The following BICC1 variants were observed in gnomAD, a reference collection of about 807,000 sequenced individuals.
The protein encoded by BICC1 is protein bicaudal C homolog 1.
In BICC1, 43 loss-of-function variants were observed where a neutral mutation model predicts 111.0. The ratio of observed to expected loss-of-function variants is 0.39; its 90% CI spans 0.30 to 0.50. The LOEUF (loss-of-function observed/expected upper bound fraction) is 0.50. BICC1 is among the 20% of genes least tolerant of loss of function. The pLI is 0.88. For missense variants in BICC1, 1,091 were observed against 1,203.2 expected, an observed-to-expected ratio of 0.91 and a Z score of 1.38; for synonymous variants, 467 against 434.4, an observed-to-expected ratio of 1.07 and a Z score of -0.93.
intron 11 of BICC1, 113 bp downstream of exon 11, chr10:58,798,673 T>G (rs1843437789): frequency 1.0e-6 from 1 of 969,028 alleles, no homozygotes; most frequent in South Asian, 2.4e-5. Context: ...GTTCAAAGCA[T>G]ACTCCATTGA....
intron 8 of BICC1, 52 bp from the exon 9 acceptor site, chr10:58,793,432 T>A: frequency 6.6e-7 from 1 of 1,522,450 alleles, no homozygotes; most frequent in Non-Finnish European, 9.0e-7. Flanking sequence ...TTATCAGGTG[T>A]TTAAATGATT....
chr10:58,634,059 A>G (rs111296469), intron 2 of BICC1, among the ~76,000 whole-genome samples: 2,315 of 142,290 alleles, frequency 0.016, 72 homozygotes, highest in African/African-American at 0.058. Context: ...CAATGGCGCA[A>G]TGTCAGCTCA....
At chr10:58,828,664 C>A in intron 20 of BICC1, 97 bp from the exon 21 acceptor site, 1 of 1,340,356 alleles carries the variant, frequency 7.5e-7, no homozygotes, top group Non-Finnish European at 1.0e-6. Context: ...CCTCAAAAAA[C>A]CTACCACGTC....
At chr10:58,787,407 A>G (rs1370911955) in intron 5 of BICC1, among the ~76,000 whole-genome samples, 2 of 152,200 alleles carry the variant, frequency 1.3e-5, no homozygotes, top group Non-Finnish European at 2.9e-5. Flanking sequence ...CCAGGAACCT[A>G]TCCATTGCCT....
chr10:58,778,145 G>A (rs938362641), intron 3 of BICC1, among the ~76,000 whole-genome samples: 1 of 151,020 alleles, frequency 6.6e-6, no homozygotes, highest in African/African-American at 2.4e-5. Context: ...TCTGGGAGGC[G>A]GCAGTTGCAG....
At chr10:58,763,255 T>A (rs1842367867) in intron 3 of BICC1, among the ~76,000 whole-genome samples, 1 of 151,984 alleles carries the variant, frequency 6.6e-6, no homozygotes, top group East Asian at 1.9e-4. Flanking sequence ...TTGGGAAAAA[T>A]TATTAATATA....
At chr10:58,693,309 C>T (rs866959017) in intron 2 of BICC1, among the ~76,000 whole-genome samples, 18 of 152,150 alleles carry the variant, frequency 1.2e-4, no homozygotes, top group African/African-American at 2.9e-4. Flanking sequence ...TGAATAGTGC[C>T]GCTATAAACA....
At chr10:58,787,135 A>G in intron 5 of BICC1, 54 bp downstream of exon 5, 1 of 1,457,914 alleles carries the variant, frequency 6.9e-7, no homozygotes, top group Admixed American at 2.6e-5. Flanking sequence ...CCTTAATTTA[A>G]TTTTCAGTTT....
intron 3 of BICC1, among the ~76,000 whole-genome samples, chr10:58,723,290 G>A (rs1176659118): frequency 1.3e-5 from 2 of 152,178 alleles, no homozygotes; most frequent in Admixed American, 1.3e-4. Context: ...TCCTCAGTCT[G>A]TTTGGAGATA....
chr10:58,701,922 G>A (rs770939674), intron 2 of BICC1, 152 bp from the exon 3 acceptor site: 27 of 503,258 alleles, frequency 5.4e-5, no homozygotes, highest in Non-Finnish European at 9.1e-5. Flanking sequence ...TCCCCCCAGG[G>A]TTTTTTTTTT....
intron 2 of BICC1, among the ~76,000 whole-genome samples, chr10:58,633,455 C>CT (rs918811715): frequency 2.0e-5 from 3 of 152,178 alleles, no homozygotes; most frequent in Non-Finnish European, 4.4e-5. Flanking sequence ...CAAATTATTA[C>CT]TTTTTTCCAC....
rs147103888 is a variant in BICC1 at position 58,596,512 on chromosome 10, G to A, written c.191-24343G>A. Among the ~76,000 whole-genome samples, 1,192 of 152,286 alleles carry A rather than the reference G, an allele frequency of 7.8e-3. 14 individuals are homozygous for A. Among genetic ancestry groups the A allele is most frequent in the African/African-American group, 0.027 (1,127 of 41,548 alleles). On this transcript the variant is annotated intron_variant, in intron 1 of 20. Coordinates refer to ENST00000373886, the MANE Select transcript of BICC1 (RefSeq NM_001080512.3). ...TTGAAAACCAGCACAAGACAAGGAT[G>A]CCCTCTCTCACCACTCCTATTCAAC...
At chr10:58,820,739 A>G (rs1463287221) in intron 20 of BICC1, among the ~76,000 whole-genome samples, 2 of 152,164 alleles carry the variant, frequency 1.3e-5, no homozygotes, top group East Asian at 3.9e-4. Flanking sequence ...TATGCAGAAC[A>G]TGAGAAGTTG....
At chr10:58,665,237 C>T (rs1643756011) in intron 2 of BICC1, among the ~76,000 whole-genome samples, 2 of 152,180 alleles carry the variant, frequency 1.3e-5, no homozygotes, top group African/African-American at 4.8e-5. Context: ...CTCTCAAAAA[C>T]AACCATTTTT....
At chr10:58,584,126 C>T (rs16912395) in intron 1 of BICC1, among the ~76,000 whole-genome samples, 6,232 of 151,710 alleles carry the variant, frequency 0.041, 401 homozygotes, top group African/African-American at 0.14. Context: ...TTCTCACCTG[C>T]GCTATGTTGA....
chr10:58,617,186 A>G (rs1402810591), intron 1 of BICC1, among the ~76,000 whole-genome samples: 4 of 152,254 alleles, frequency 2.6e-5, no homozygotes, highest in African/African-American at 9.6e-5. Context: ...GCTGCCCTTC[A>G]GGCTCGTGAG....
In BICC1 at chr10:58,743,217, C is replaced by T. The variant is rs534681921; in HGVS notation, c.307+41074C>T. ...GAATTCATGGAATTGTATATTTGGA[C>T]GTTGGCTTAAAATTAAGTGGCTTGG... On this transcript the variant is annotated intron_variant, in intron 3 of 20. Transcript: ENST00000373886. Among the ~76,000 whole-genome samples, 4 of 152,230 alleles carry T rather than the reference C, an allele frequency of 2.6e-5. No individual in the cohort carries two copies. The South Asian group carries it at 6.2e-4, about 24-fold the overall frequency.
chr10:58,823,873 G>A (rs1844321649), intron 20 of BICC1: 1 of 984,908 alleles, frequency 1.0e-6, no homozygotes, highest in Admixed American at 6.2e-5. Flanking sequence ...CTTGATTTCT[G>A]AATTTTGAAG....
intron 1 of BICC1, among the ~76,000 whole-genome samples, chr10:58,612,912 AC>A (rs1323241128): frequency 6.6e-6 from 1 of 151,870 alleles, no homozygotes; most frequent in Non-Finnish European, 1.5e-5. Context: ...AAGTCAAGCT[AC>A]CCCCCTCCCA....
Sources: allele counts gnomAD v4.1 joint callset (sites outside exome capture counted in the v4.1 genomes callset), GRCh38; gene constraint gnomAD v4.1.1; transcripts MANE v1.5; gene names NCBI Gene and HGNC (gene_info 2026-07-23, HGNC 2026-07-21).